Variants in BBS9 observed in about 807,000 individuals in gnomAD.
BBS9 encodes the protein protein PTHB1.
A neutral mutation model predicts 117.7 loss-of-function variants in BBS9; 89 were observed. The ratio of observed to expected loss-of-function variants is 0.76; its 90% CI spans 0.64 to 0.90. The LOEUF is 0.90. BBS9 is among the 40% of genes least tolerant of loss of function. The probability of loss-of-function intolerance (pLI) is 0.00; values close to 1 mark genes in which losing one functional copy is unlikely to be tolerated. For synonymous variants in BBS9, 379 were observed against 370.9 expected, an observed-to-expected ratio of 1.02 and a Z score of -0.25; for missense variants, 982 against 1,042.2, an observed-to-expected ratio of 0.94 and a Z score of 0.80.
chr7:33,194,119 A>G (rs1784583414), intron 5 of BBS9, among the ~76,000 whole-genome samples: 1 of 152,206 alleles, frequency 6.6e-6, no homozygotes. Flanking sequence ...CCAAAATGAT[A>G]AAACCTGTAT....
At chr7:33,263,292 G>T (rs1798268490) in intron 6 of BBS9, among the ~76,000 whole-genome samples, 1 of 152,056 alleles carries the variant, frequency 6.6e-6, no homozygotes, top group Non-Finnish European at 1.5e-5. Context: ...ACATTTCAGT[G>T]CTTGTTTAGA....
intron 16 of BBS9, among the ~76,000 whole-genome samples, chr7:33,365,578 A>G (rs1821535599): frequency 6.6e-6 from 1 of 152,204 alleles, no homozygotes; most frequent in Admixed American, 6.5e-5. Context: ...ATCATGGCCA[A>G]GGGGATCCCT....
chr7:33,142,547 G>A lies in BBS9; in HGVS notation c.-11-3695G>A, dbSNP rs1791645647. The stretch of plus-strand genomic sequence containing the variant: ...GACATTATTGTGCAACCAATCTCCA[G>A]AACTTCTCATCTTGCGAAGTCAACA... On this transcript the variant is annotated intron_variant, in intron 1 of 22. Coordinates refer to ENST00000242067, the MANE Select transcript of BBS9 (RefSeq NM_198428.3). 2.6e-5 allele frequency among the ~76,000 whole-genome samples: 4 copies of A among 152,276 alleles called. No homozygotes were observed. The South Asian group carries it at 8.3e-4, about 32-fold the overall frequency.
intron 20 of BBS9, among the ~76,000 whole-genome samples, chr7:33,533,024 A>G (rs979903253): frequency 1.3e-5 from 2 of 152,124 alleles, no homozygotes. Flanking sequence ...TCTGCTTCTT[A>G]GGACCTCCAG....
intron 21 of BBS9, among the ~76,000 whole-genome samples, chr7:33,631,244 T>G (rs1562545847): frequency 6.6e-6 from 1 of 152,112 alleles, no homozygotes; most frequent in Non-Finnish European, 1.5e-5. Flanking sequence ...AGGGAGACCC[T>G]CAGCCCATGC....
At chr7:33,144,174 C>T (rs1791983363) in intron 1 of BBS9, among the ~76,000 whole-genome samples, 1 of 152,180 alleles carries the variant, frequency 6.6e-6, no homozygotes, top group Non-Finnish European at 1.5e-5. Context: ...CACAGGAATT[C>T]AAACTCACAC....
intron 9 of BBS9, among the ~76,000 whole-genome samples, chr7:33,279,467 A>G (rs879123617): frequency 6.6e-6 from 1 of 152,216 alleles, no homozygotes; most frequent in Non-Finnish European, 1.5e-5. Context: ...AAGCTTTTTG[A>G]TAGAAGCTTC....
In BBS9 at chr7:33,368,020, G is replaced by A. The variant is rs752946259; in HGVS notation, c.1789+158G>A. Among the ~76,000 whole-genome samples, 51 of 152,184 alleles carry A rather than the reference G, an allele frequency of 3.4e-4. 1 individual carries two copies. The highest frequency in any genetic ancestry group is 3.2e-3 in the Middle Eastern group (1 of 316). ...TAAGTAGATAGGATGTGAAAGTTAT[G>A]AAGTGAGGATTGTGTTTTATTAGAG... is the stretch of plus-strand genomic sequence containing the variant. On this transcript the variant is annotated intron_variant, in intron 17 of 22. Transcript: ENST00000242067.
chr7:33,385,324 T>C lies in BBS9; in HGVS notation c.1962+1486T>C, dbSNP rs1004760288. On this transcript the variant is annotated intron_variant, in intron 18 of 22. Transcript: ENST00000242067. ...ACATAAATTAAGGGGGGCGTTGTTA[T>C]GCTTCCTTTGTTCTCTATCTCCTTT... Among the ~76,000 whole-genome samples the C allele has an allele frequency of 2.4e-4, 36 of 152,222 alleles. 1 individual carries two copies. Among genetic ancestry groups the C allele is most frequent in the Non-Finnish European group, 3.2e-4 (22 of 68,036 alleles).
intron 15 of BBS9, among the ~76,000 whole-genome samples, chr7:33,357,290 T>C (rs1271158137): frequency 6.6e-6 from 1 of 151,786 alleles, no homozygotes; most frequent in Non-Finnish European, 1.5e-5. Context: ...GGTAATATTC[T>C]ACATATTAAT....
At chr7:33,500,833 A>C (rs754679158) in intron 19 of BBS9, among the ~76,000 whole-genome samples, 2 of 151,984 alleles carry the variant, frequency 1.3e-5, no homozygotes, top group Admixed American at 1.3e-4. Context: ...TTAATTTCAC[A>C]CTCACTTTAT....
upstream of BBS9, chr7:33,129,525 C>A (rs556771065): frequency 9.7e-4 from 167 of 171,998 alleles, no homozygotes; most frequent in Non-Finnish European, 1.6e-3. Flanking sequence ...CGGCGCGGCA[C>A]GGCGTGACCT....
intron 21 of BBS9, among the ~76,000 whole-genome samples, chr7:33,569,478 G>A (rs1050763513): frequency 3.4e-4 from 51 of 151,408 alleles, no homozygotes; most frequent in African/African-American, 1.2e-3. Context: ...AAAATAGGCC[G>A]GGCGCAGTGG....
At chr7:33,227,632 C>G (rs973621810) in intron 5 of BBS9, among the ~76,000 whole-genome samples, 2 of 152,138 alleles carry the variant, frequency 1.3e-5, no homozygotes, top group East Asian at 3.9e-4. Context: ...CCCCCTACCC[C>G]CAAAGTCCTC....
intron 9 of BBS9, among the ~76,000 whole-genome samples, chr7:33,328,047 A>G (rs935471151): frequency 6.6e-6 from 1 of 152,190 alleles, no homozygotes; most frequent in East Asian, 1.9e-4. Flanking sequence ...GGCTGGATGT[A>G]CATGTCTGGC....
intron 17 of BBS9, among the ~76,000 whole-genome samples, chr7:33,370,665 A>G (rs1822685317): frequency 6.6e-6 from 1 of 152,224 alleles, no homozygotes; most frequent in Non-Finnish European, 1.5e-5. Flanking sequence ...GATTTCAGAA[A>G]AATATGCTAT....
chr7:33,333,007 C>A (rs1814460898), intron 9 of BBS9, among the ~76,000 whole-genome samples: 1 of 152,038 alleles, frequency 6.6e-6, no homozygotes, highest in African/African-American at 2.4e-5. Flanking sequence ...CTCCCCCAGC[C>A]CCTGGAAACC....
chr7:33,155,447 T>C (rs1163555456), intron 3 of BBS9, among the ~76,000 whole-genome samples, 191 bp from the exon 4 acceptor site: 1 of 152,194 alleles, frequency 6.6e-6, no homozygotes, highest in Non-Finnish European at 1.5e-5. Flanking sequence ...GCAGAGTACT[T>C]GAGCCTCTGG....
chr7:33,166,440 G>A (rs188558455), intron 4 of BBS9, among the ~76,000 whole-genome samples: 2 of 152,260 alleles, frequency 1.3e-5, no homozygotes, highest in Admixed American at 1.3e-4. Flanking sequence ...GCTGCCTTTT[G>A]TTCAGCTATG....
Sources: allele counts gnomAD v4.1 joint callset (sites outside exome capture counted in the v4.1 genomes callset), GRCh38; gene constraint gnomAD v4.1.1; transcripts MANE v1.5; gene names NCBI Gene and HGNC (gene_info 2026-07-23, HGNC 2026-07-21).